ABLIM3: variants seen among roughly 807,000 people sequenced by gnomAD.
ABLIM3 encodes actin binding LIM protein family member 3, also known as actin-binding LIM protein 3.
Under a neutral mutation model 109.5 loss-of-function variants are expected in ABLIM3, and 61 were observed. That is an observed-to-expected ratio of 0.56 (90% CI 0.45 to 0.69). The LOEUF (loss-of-function observed/expected upper bound fraction) is 0.69, where lower values mean the gene tolerates loss of function less well. Among genes scored for constraint, ABLIM3 ranks in the 30% least tolerant of loss-of-function variants. ABLIM3 has a pLI of 0.00. For missense variants in ABLIM3, 796 were observed against 889.5 expected (o/e 0.89, Z 1.34); for synonymous variants, 300 against 324.8 (o/e 0.92, Z 0.82).
At position 149,253,090 on chromosome 5, in the gene ABLIM3, C is replaced by T. The variant is rs1754098637; in HGVS notation, c.1938+253C>T. ...AACTTCCCCATGCTGTTCCCCAAAA[C>T]TTCCCCATGCTGTTCTTTGCTGCCT... On this transcript the variant is annotated intron_variant, in intron 23 of 23. Coordinates refer to ENST00000309868, the MANE Select transcript of ABLIM3 (RefSeq NM_014945.5). 2.6e-5 allele frequency among the ~76,000 whole-genome samples: 4 copies of T among 152,218 alleles called. No individual in the cohort carries two copies. The South Asian group carries it at 8.3e-4, about 32-fold the overall frequency.
At chr5:149,233,981 T>C (rs954279042) in intron 10 of ABLIM3, among the ~76,000 whole-genome samples, 6 of 152,230 alleles carry the variant, frequency 3.9e-5, no homozygotes, top group African/African-American at 1.4e-4. Context: ...TCAACAAACA[T>C]GTGCCAAGCA....
At chr5:149,175,944 G>C (rs1197105668) in intron 2 of ABLIM3, among the ~76,000 whole-genome samples, 1 of 152,204 alleles carries the variant, frequency 6.6e-6, no homozygotes, top group Non-Finnish European at 1.5e-5. Context: ...GGAACATGCT[G>C]ATGAGCCTGG....
intron 8 of ABLIM3, chr5:149,220,067 T>C (rs1200682898): frequency 6.6e-6 from 1 of 152,224 alleles, no homozygotes; most frequent in East Asian, 1.9e-4. Context: ...GAACAGTTGC[T>C]ATAAGATATA....
chr5:149,210,446 G>T (rs1055230360), intron 6 of ABLIM3, among the ~76,000 whole-genome samples: 1 of 152,180 alleles, frequency 6.6e-6, no homozygotes, highest in African/African-American at 2.4e-5. Context: ...ATAGGGGGTG[G>T]TATAAGAATA....
intron 10 of ABLIM3, among the ~76,000 whole-genome samples, chr5:149,234,424 T>G (rs1762156781): frequency 6.6e-6 from 1 of 151,894 alleles, no homozygotes. Flanking sequence ...CTAGATAGAG[T>G]CAGCAAACCA....
At chr5:149,216,248 C>T (rs1254993101) in intron 7 of ABLIM3, among the ~76,000 whole-genome samples, 1 of 152,148 alleles carries the variant, frequency 6.6e-6, no homozygotes, top group Non-Finnish European at 1.5e-5. Flanking sequence ...TTCCATAATA[C>T]TTTAAGTGTC....
Position 149,239,848 on chromosome 5 carries a change from C to A in ABLIM3, c.1164C>A (p.Ser388=). ...DSPTYSRQGM[S]PTFSRSPHHY... ...CCACCTACAGCCGGCAGGGCATGTCCCCCACCTTCTCCCGCTCACCTCACC... is the reference window on the plus strand; with the variant it reads ...CCACCTACAGCCGGCAGGGCATGTCACCCACCTTCTCCCGCTCACCTCACC... Residue 388 remains serine, a synonymous_variant, in exon 13 of 24, where the codon TCC becomes TCA. Coordinates refer to ENST00000309868, the MANE Select transcript of ABLIM3 (RefSeq NM_014945.5). 6.2e-7 allele frequency: 1 copy of A among 1,610,784 alleles called. No homozygotes were observed. The highest frequency in any genetic ancestry group is 1.1e-5 in the South Asian group (1 of 90,624).
intron 8 of ABLIM3, chr5:149,219,101 C>A (rs1760388930): frequency 1.3e-5 from 2 of 152,322 alleles, no homozygotes; most frequent in South Asian, 4.1e-4. Flanking sequence ...TGCAATGAGT[C>A]CCCCTGTGCC....
rs761031678 is a variant in ABLIM3, at chr5:149,245,023, C to T, written c.1486+8C>T. Reference sequence around the variant, plus strand: ...ACCATGGGTCCCCCAAAGGTAGTACCCCCATAGGAGCCTGGGTCCAGGGCC... The same window carrying T: ...ACCATGGGTCCCCCAAAGGTAGTACTCCCATAGGAGCCTGGGTCCAGGGCC... On this transcript the variant is annotated splice_region_variant and intron_variant, in intron 16 of 23. Transcript: ENST00000309868. 5 of 1,613,976 alleles carry T rather than the reference C, an allele frequency of 3.1e-6. No homozygotes were observed. In the East Asian group the frequency reaches 8.9e-5, roughly 29 times the overall value.
At position 149,252,783 on chromosome 5, in the gene ABLIM3, G is replaced by C. The variant is rs1025687301; in HGVS notation, c.1884G>C (p.Val628=). 41 of 1,613,258 alleles carry C rather than the reference G, an allele frequency of 2.5e-5. No homozygotes were observed. The highest frequency in any genetic ancestry group is 3.2e-5 in the Non-Finnish European group (38 of 1,179,524). The change falls in exon 23 of 24, where the codon GTG becomes GTC. Residue 628 remains valine (V), a synonymous_variant. Transcript: ENST00000309868. ...YKIYPYELLL[V]TTRGRNRLPK... ...TCTACCCTTATGAACTGCTGCTGGTGACTACAAGAGGAAGAAACCGACTGC... is the reference window on the plus strand; with the variant it reads ...TCTACCCTTATGAACTGCTGCTGGTCACTACAAGAGGAAGAAACCGACTGC...
chr5:149,253,881 G>T (rs1754181256), intron 23 of ABLIM3, among the ~76,000 whole-genome samples: 1 of 152,180 alleles, frequency 6.6e-6, no homozygotes, highest in African/African-American at 2.4e-5. Context: ...CTGAGACTGG[G>T]TAATTTATAA....
chr5:149,142,650 G>C (rs1480814346), intron 2 of ABLIM3, among the ~76,000 whole-genome samples: 1 of 152,202 alleles, frequency 6.6e-6, no homozygotes, highest in Non-Finnish European at 1.5e-5. Context: ...GGTGGGCCCA[G>C]GGCTGGTTTC....
At chr5:149,248,566 C>T (rs545111017) in intron 18 of ABLIM3, among the ~76,000 whole-genome samples, 3 of 151,868 alleles carry the variant, frequency 2.0e-5, no homozygotes, top group African/African-American at 7.2e-5. Context: ...TGGTGGGCAC[C>T]TGTAGTCCCA....
intron 3 of ABLIM3, among the ~76,000 whole-genome samples, chr5:149,185,925 GCTTTT>G (rs1463634249): frequency 6.6e-6 from 1 of 152,200 alleles, no homozygotes; most frequent in Non-Finnish European, 1.5e-5. Context: ...GAGACCTTGA[GCTTTT>G]ACTCTGTTGT....
chr5:149,247,366 G>A (rs537019362), intron 17 of ABLIM3, among the ~76,000 whole-genome samples: 16 of 152,306 alleles, frequency 1.1e-4, no homozygotes, highest in South Asian at 1.0e-3. Flanking sequence ...ATTTTGAAAC[G>A]AGATAGAGGT....
Position 149,251,345 on chromosome 5 carries a change from T to G in ABLIM3, c.1789-14T>G. 6.2e-7 allele frequency: 1 copy of G among 1,614,050 alleles called. No individual in the cohort carries two copies. Among genetic ancestry groups the G allele is most frequent in the Non-Finnish European group, 8.5e-7 (1 of 1,179,988 alleles). ...GCTTATCTCAGGCCAGCCGTGGTTC[T>G]GTCTCTTCTGCAGACACCCAGCGCA... is the stretch of plus-strand genomic sequence containing the variant. On this transcript the variant is annotated splice_polypyrimidine_tract_variant and intron_variant, in intron 20 of 23. Transcript: ENST00000309868.
chr5:149,226,393 G>C (rs1206567344), intron 8 of ABLIM3, among the ~76,000 whole-genome samples: 1 of 152,074 alleles, frequency 6.6e-6, no homozygotes, highest in African/African-American at 2.4e-5. Context: ...GCTGAGGCAG[G>C]AGAATCGCTT....
intron 7 of ABLIM3, among the ~76,000 whole-genome samples, chr5:149,214,723 C>T (rs960358778): frequency 2.6e-5 from 4 of 152,182 alleles, no homozygotes; most frequent in African/African-American, 7.2e-5. Flanking sequence ...CTGTCCCTTC[C>T]CATTTCCTCC....
At position 149,246,411 on chromosome 5, in the gene ABLIM3, A is replaced by T. The variant is rs949625918; in HGVS notation, c.1487-71A>T. On this transcript the variant is annotated intron_variant, in intron 16 of 23. Coordinates refer to ENST00000309868, the MANE Select transcript of ABLIM3 (RefSeq NM_014945.5). ...AAAGAAAAGTGGCTTTTCTTTTTTAAAAAAAAAATGCCTTAAGCCAGGCTG... is the reference window on the plus strand; with the variant it reads ...AAAGAAAAGTGGCTTTTCTTTTTTATAAAAAAAATGCCTTAAGCCAGGCTG... 7.0e-5 allele frequency: 87 copies of T among 1,237,254 alleles called. 2 individuals carry two copies. The highest frequency in any genetic ancestry group is 6.6e-4 in the South Asian group (48 of 72,280). The allele number at this position is 1,237,254 out of a possible 1,614,324, so 76.6% of individuals were successfully genotyped here.
Sources: gnomAD v4.1 joint callset for allele counts (sites outside exome capture counted in the v4.1 genomes callset) on GRCh38, gnomAD v4.1.1 for gene constraint, MANE v1.5 for transcripts, NCBI Gene and HGNC (gene_info 2026-07-23, HGNC 2026-07-21) for gene names.